The following ZFYVE28 variants were observed in gnomAD, a reference collection of about 807,000 sequenced individuals.
ZFYVE28 encodes the protein zinc finger FYVE-type containing 28, also known as lateral signaling target protein 2 homolog.
In ZFYVE28, 40 loss-of-function variants were observed where a neutral mutation model predicts 82.1. The observed-to-expected ratio is 0.49, with a 90% confidence interval of 0.38 to 0.63. The LOEUF is 0.63. ZFYVE28 is among the 30% of genes least tolerant of loss of function. ZFYVE28 has a pLI of 0.00. For missense variants in ZFYVE28, 1,321 were observed against 1,242.1 expected, an observed-to-expected ratio of 1.06 and a Z score of -0.96; for synonymous variants, 612 against 546.1, an observed-to-expected ratio of 1.12 and a Z score of -1.68.
intron 8 of ZFYVE28, among the ~76,000 whole-genome samples, chr4:2,298,056 C>A (rs1714905954): frequency 7.0e-6 from 1 of 142,640 alleles, no homozygotes; most frequent in Admixed American, 7.1e-5. Context: ...AGTGACACGG[C>A]AGGCTGTGCT....
intron 7 of ZFYVE28, among the ~76,000 whole-genome samples, chr4:2,310,336 G>C (rs145424424): frequency 3.0e-4 from 46 of 152,188 alleles, no homozygotes; most frequent in African/African-American, 1.1e-3. Flanking sequence ...ACTGTGCCCA[G>C]ATATATTTCT....
chr4:2,322,139 G>A lies in ZFYVE28; in HGVS notation c.702-1868C>T, dbSNP rs373443482. ...TCAGCAGCTCTGCAGGTGCCCGAACGACAGAGAGAAGGCCCGTGGGACAGG... is the reference window on the plus strand; with the variant it reads ...TCAGCAGCTCTGCAGGTGCCCGAACAACAGAGAGAAGGCCCGTGGGACAGG... On this transcript the variant is annotated intron_variant, in intron 6 of 12. Transcript: ENST00000290974. 1.7e-3 allele frequency among the ~76,000 whole-genome samples: 256 copies of A among 152,356 alleles called. 3 individuals are homozygous for A. Among genetic ancestry groups the A allele is most frequent in the African/African-American group, 5.9e-3 (244 of 41,592 alleles).
At chr4:2,402,395 G>A (rs908637157) in intron 1 of ZFYVE28, among the ~76,000 whole-genome samples, 1 of 152,226 alleles carries the variant, frequency 6.6e-6, no homozygotes, top group Non-Finnish European at 1.5e-5. Context: ...GTGCTGGAAG[G>A]CCATGTCCTG....
rs1018466217 is a variant in ZFYVE28 at position 2,409,697 on chromosome 4, G to A, written c.39+8588C>T. 2.6e-5 allele frequency among the ~76,000 whole-genome samples: 4 copies of A among 152,188 alleles called. No homozygotes were observed. In the East Asian group the frequency reaches 5.8e-4, roughly 22 times the overall value. On this transcript the variant is annotated intron_variant, in intron 1 of 12. Transcript: ENST00000290974. The surrounding 1 kb of genome is among the most constrained non-coding windows in gnomAD (Gnocchi z 4.4). ...GAGTCCAGTACACCCACGGTGGGGT[G>A]GGGGGGCTGACCCCTGCGGGCAGCT... is the stretch of plus-strand genomic sequence containing the variant.
In ZFYVE28 at chr4:2,334,184, C is replaced by T. The variant is rs539101413; in HGVS notation, c.701+1521G>A. Among the ~76,000 whole-genome samples the T allele has an allele frequency of 8.5e-5, 13 of 152,228 alleles. No homozygotes were observed. In the South Asian group the frequency reaches 1.5e-3, roughly 17 times the overall value. ...CTCTGCGAGGACACGGGAAGGACGG[C>T]GCAGGAAACAGGCCAGGCCCTGAGC... On this transcript the variant is annotated intron_variant, in intron 6 of 12. Coordinates refer to ENST00000290974, the MANE Select transcript of ZFYVE28 (RefSeq NM_020972.3).
intron 1 of ZFYVE28, among the ~76,000 whole-genome samples, chr4:2,389,359 C>A (rs1195427977): frequency 6.6e-6 from 1 of 152,168 alleles, no homozygotes; most frequent in Non-Finnish European, 1.5e-5. Context: ...CTGAGGCTAC[C>A]CCCATGCCCC....
Position 2,404,147 on chromosome 4 carries a change from T to C in ZFYVE28, c.39+14138A>G, listed in dbSNP as rs558144052. On this transcript the variant is annotated intron_variant, in intron 1 of 12. Coordinates refer to ENST00000290974, the MANE Select transcript of ZFYVE28 (RefSeq NM_020972.3). ...CATCCTGGCTAACACGGTGAAACCCTGTCTCTAATAAAAATACAAAAAAAA... is the reference window on the plus strand; with the variant it reads ...CATCCTGGCTAACACGGTGAAACCCCGTCTCTAATAAAAATACAAAAAAAA... Among the ~76,000 whole-genome samples, 14 of 151,458 alleles carry C rather than the reference T, an allele frequency of 9.2e-5. No homozygotes were observed. In the East Asian group the frequency reaches 2.1e-3, roughly 23 times the overall value.
chr4:2,319,721 CA>C (rs1718765462), intron 7 of ZFYVE28, among the ~76,000 whole-genome samples: 1 of 151,180 alleles, frequency 6.6e-6, no homozygotes. Context: ...CCCATGTGGA[CA>C]CAGACGTAAA....
rs1275235471 is a variant in ZFYVE28, at chr4:2,330,561, G to A, written c.701+5144C>T. 42 of 1,184,764 alleles carry A rather than the reference G, an allele frequency of 3.5e-5. No individual in the cohort carries two copies. The Admixed American group carries it at 1.6e-3, about 46-fold the overall frequency. 73.4% of individuals were successfully genotyped at this position (1,184,764 alleles called of 1,614,324 possible). A position where few individuals can be genotyped will look rare whatever the true frequency, so the allele number is the denominator to read the frequency against. ...GACAGCATGGAGGAGGGGACAGCAT[G>A]GAGAATGGGATAGCATGGAGAATGG... On this transcript the variant is annotated intron_variant, in intron 6 of 12. Coordinates refer to ENST00000290974, the MANE Select transcript of ZFYVE28 (RefSeq NM_020972.3).
At chr4:2,319,446 C>CA (rs1275889956) in intron 7 of ZFYVE28, among the ~76,000 whole-genome samples, 1 of 152,188 alleles carries the variant, frequency 6.6e-6, no homozygotes, top group African/African-American at 2.4e-5. Context: ...TGTCTGGACT[C>CA]ACAGCACCTC....
chr4:2,375,715 C>T (rs1460288040), intron 1 of ZFYVE28, among the ~76,000 whole-genome samples: 4 of 152,098 alleles, frequency 2.6e-5, no homozygotes, highest in African/African-American at 7.2e-5. Context: ...GAGAAAGCAC[C>T]GCCCCACACA....
At chr4:2,364,788 G>A (rs1726647342) in intron 1 of ZFYVE28, 7 of 985,558 alleles carry the variant, frequency 7.1e-6, no homozygotes, top group Non-Finnish European at 8.4e-6. Flanking sequence ...GGCGCCCACG[G>A]CCTCCGAGCG....
In ZFYVE28 at chr4:2,312,514, G is replaced by A. The variant is rs563057357; in HGVS notation, c.804-6978C>T. Among the ~76,000 whole-genome samples the A allele has an allele frequency of 1.3e-4, 19 of 151,534 alleles. No individual in the cohort carries two copies. The South Asian group carries it at 4.0e-3, about 32-fold the overall frequency. ...GAGGCCGAGGCAGGTGGATCACGAG[G>A]TCAGGAGATTGAGACCATCCCGGCT... On this transcript the variant is annotated intron_variant, in intron 7 of 12. Transcript: ENST00000290974.
At chr4:2,402,352 C>G (rs1183304342) in intron 1 of ZFYVE28, among the ~76,000 whole-genome samples, 1 of 152,194 alleles carries the variant, frequency 6.6e-6, no homozygotes, top group Admixed American at 6.5e-5. Flanking sequence ...CATCAGACAC[C>G]ATCTCCCGCC....
rs1578040078 is a variant in ZFYVE28 at position 2,313,421 on chromosome 4, C to T, written c.803+6749G>A. Among the ~76,000 whole-genome samples the T allele has an allele frequency of 2.0e-5, 3 of 152,040 alleles. No individual in the cohort carries two copies. The South Asian group carries it at 6.2e-4, about 32-fold the overall frequency. On this transcript the variant is annotated intron_variant, in intron 7 of 12. Coordinates refer to ENST00000290974, the MANE Select transcript of ZFYVE28 (RefSeq NM_020972.3). ...GACCACAGATATGTGCCACCACACC[C>T]ATTTTTTTACATTTTTTGTAGAGAC...
intron 1 of ZFYVE28, among the ~76,000 whole-genome samples, chr4:2,389,924 G>A (rs1001281580): frequency 6.6e-6 from 1 of 152,164 alleles, no homozygotes; most frequent in Non-Finnish European, 1.5e-5. Context: ...GCTGCCTCCT[G>A]CCTGGCTTGG....
intron 1 of ZFYVE28, among the ~76,000 whole-genome samples, chr4:2,367,541 C>A (rs1490908646): frequency 6.6e-6 from 1 of 152,248 alleles, no homozygotes; most frequent in African/African-American, 2.4e-5. Flanking sequence ...TTATTTCTCT[C>A]CTTCAAAAAT....
intron 8 of ZFYVE28, among the ~76,000 whole-genome samples, chr4:2,298,700 C>A (rs1029476022): frequency 6.6e-6 from 1 of 152,186 alleles, no homozygotes; most frequent in Non-Finnish European, 1.5e-5. Context: ...CAGAGGCGCC[C>A]GACTGCACGA....
At chr4:2,407,009 G>A (rs977111829) in intron 1 of ZFYVE28, among the ~76,000 whole-genome samples, 2 of 151,970 alleles carry the variant, frequency 1.3e-5, no homozygotes, top group African/African-American at 4.8e-5. Flanking sequence ...TCTGATTGCT[G>A]TCCAGGCATT....
Sources: allele counts gnomAD v4.1 joint callset (sites outside exome capture counted in the v4.1 genomes callset), GRCh38; gene constraint gnomAD v4.1.1; non-coding constraint Gnocchi (gnomAD v3.1); transcripts MANE v1.5; gene names NCBI Gene and HGNC (gene_info 2026-07-23, HGNC 2026-07-21).